The following USH2A variants were observed in gnomAD, a reference collection of about 807,000 sequenced individuals.
The protein encoded by USH2A is Usher syndrome 2A (autosomal recessive, mild).
Under a neutral mutation model 538.9 loss-of-function variants are expected in USH2A, and 443 were observed. That is an observed-to-expected ratio of 0.82 (90% CI 0.76 to 0.89). The LOEUF (loss-of-function observed/expected upper bound fraction) is 0.89. Among genes scored for constraint, USH2A ranks in the 40% least tolerant of loss-of-function variants. The probability of loss-of-function intolerance (pLI) is 0.00; values close to 1 mark genes in which losing one functional copy is unlikely to be tolerated. For missense variants in USH2A, 6,633 were observed against 6,324.8 expected, an observed-to-expected ratio of 1.05 and a Z score of -1.65; for synonymous variants, 2,413 against 2,273.5, an observed-to-expected ratio of 1.06 and a Z score of -1.75.
rs758554193 is a variant in USH2A at position 216,175,520 on chromosome 1, G to T, written c.4397-38C>A. The T allele has an allele frequency of 6.9e-6, 11 of 1,603,262 alleles. No homozygotes were observed. The South Asian group carries it at 1.1e-4, about 16-fold the overall frequency. Reference sequence around the variant, plus strand: ...AAACACCTGTTATATTCAAGAATTTGGTTTCTGTCTCTAGACACACATATT... The same window carrying T: ...AAACACCTGTTATATTCAAGAATTTTGTTTCTGTCTCTAGACACACATATT... On this transcript the variant is annotated intron_variant, in intron 20 of 71. Transcript: ENST00000307340.
intron 21 of USH2A, among the ~76,000 whole-genome samples, chr1:216,166,253 G>A (rs1191447475): frequency 6.6e-6 from 1 of 151,974 alleles, no homozygotes; most frequent in African/African-American, 2.4e-5. Context: ...ATAGATGAGG[G>A]CATACCCGGC....
At chr1:216,361,232 C>A (rs1159405865) in intron 4 of USH2A, among the ~76,000 whole-genome samples, 1 of 152,040 alleles carries the variant, frequency 6.6e-6, no homozygotes, top group African/African-American at 2.4e-5. Context: ...TTGACCCCTA[C>A]CTTATATAAC....
At chr1:215,704,525 C>T (rs1254145465) in intron 61 of USH2A, among the ~76,000 whole-genome samples, 4 of 152,186 alleles carry the variant, frequency 2.6e-5, no homozygotes, top group African/African-American at 4.8e-5. Context: ...ATGCCAGAGC[C>T]TAGACCTGGT....
intron 37 of USH2A, among the ~76,000 whole-genome samples, chr1:215,945,239 CTAATT>C (rs1357170081): frequency 6.6e-6 from 1 of 152,080 alleles, no homozygotes; most frequent in Admixed American, 6.5e-5. Context: ...ATTTTGCTCT[CTAATT>C]TAAAGTTGAG....
At chr1:215,921,632 T>C (rs1052986978) in intron 38 of USH2A, among the ~76,000 whole-genome samples, 2 of 151,984 alleles carry the variant, frequency 1.3e-5, no homozygotes, top group African/African-American at 2.4e-5. Flanking sequence ...GTAGAAGAAA[T>C]AGAGTATAGT....
chr1:216,092,651 G>A (rs1439726398), intron 22 of USH2A, among the ~76,000 whole-genome samples: 1 of 152,100 alleles, frequency 6.6e-6, no homozygotes, highest in Non-Finnish European at 1.5e-5. Flanking sequence ...TAGAAAATAT[G>A]TTTAGTACCT....
chr1:215,748,226 T>C (rs1410875302), intron 58 of USH2A, among the ~76,000 whole-genome samples: 2 of 152,158 alleles, frequency 1.3e-5, no homozygotes, highest in African/African-American at 2.4e-5. Flanking sequence ...CTTGGTTCAC[T>C]GCAACCTCTG....
rs776707496 is a variant in USH2A at position 215,675,251 on chromosome 1, C to T, written c.12660G>A (p.Arg4220=). Residue 4220 remains arginine, a synonymous_variant, in exon 63 of 72, where the codon AGG becomes AGA. Transcript: ENST00000307340. ...CTGTGTCATTATACATAAATGTATTCCTTTCAGTGTTATATTCTGTGAAAA... is the reference window on the plus strand; with the variant it reads ...CTGTGTCATTATACATAAATGTATTTCTTTCAGTGTTATATTCTGTGAAAA... ...KIVFTEYNTE[R]NTFMYNDTGL... is the part of the protein sequence containing the mutation. 6.2e-7 allele frequency: 1 copy of T among 1,614,108 alleles called. No individual in the cohort carries two copies. Among genetic ancestry groups the T allele is most frequent in the South Asian group, 1.1e-5 (1 of 91,074 alleles).
At chr1:215,938,520 T>C (rs1274237225) in intron 37 of USH2A, among the ~76,000 whole-genome samples, 1 of 152,120 alleles carries the variant, frequency 6.6e-6, no homozygotes, top group African/African-American at 2.4e-5. Flanking sequence ...GGCTGGAAAA[T>C]GCAGCCTCGT....
chr1:216,134,742 A>G (rs1345390815), intron 21 of USH2A, among the ~76,000 whole-genome samples: 1 of 152,090 alleles, frequency 6.6e-6, no homozygotes, highest in Non-Finnish European at 1.5e-5. Flanking sequence ...GACAGATTCC[A>G]TTGTTTTCAA....
intron 4 of USH2A, among the ~76,000 whole-genome samples, chr1:216,353,215 C>A (rs1369684476): frequency 6.6e-6 from 1 of 151,832 alleles, no homozygotes; most frequent in Non-Finnish European, 1.5e-5. Context: ...ATTTGAAGAT[C>A]CCGGGAGGGA....
chr1:216,407,052 T>C (rs1421436412), intron 3 of USH2A, among the ~76,000 whole-genome samples: 1 of 152,082 alleles, frequency 6.6e-6, no homozygotes, highest in Non-Finnish European at 1.5e-5. Flanking sequence ...TCCCTAGCTA[T>C]GTCACATGAC....
intron 32 of USH2A, among the ~76,000 whole-genome samples, chr1:216,011,278 C>T (rs1257556387): frequency 6.6e-6 from 1 of 152,114 alleles, no homozygotes; most frequent in East Asian, 1.9e-4. Context: ...TTCCTTTGCA[C>T]CCGTCATCCC....
intron 50 of USH2A, among the ~76,000 whole-genome samples, chr1:215,793,008 C>T (rs1312225718): frequency 6.6e-6 from 1 of 152,076 alleles, no homozygotes; most frequent in African/African-American, 2.4e-5. Flanking sequence ...CATATATTGT[C>T]TTTCTAAACT....
At chr1:216,099,905 A>G (rs12094824) in intron 21 of USH2A, among the ~76,000 whole-genome samples, 6,606 of 152,228 alleles carry the variant, frequency 0.043, 477 homozygotes, top group African/African-American at 0.15. Flanking sequence ...AGAAGAGAAG[A>G]CGATGCTAGG....
At chr1:216,151,264 C>A (rs1174383021) in intron 21 of USH2A, among the ~76,000 whole-genome samples, 2 of 152,046 alleles carry the variant, frequency 1.3e-5, no homozygotes, top group African/African-American at 2.4e-5. Context: ...TCCTTCTCAC[C>A]TTTTTACTTT....
intron 4 of USH2A, among the ~76,000 whole-genome samples, chr1:216,336,143 T>G (rs537125158): frequency 6.6e-6 from 1 of 151,246 alleles, no homozygotes; most frequent in Non-Finnish European, 1.5e-5. Flanking sequence ...ATACACAAAC[T>G]TGGAAAAATA....
chr1:216,401,617 G>T (rs143021890), intron 3 of USH2A, among the ~76,000 whole-genome samples: 8 of 152,054 alleles, frequency 5.3e-5, no homozygotes, highest in African/African-American at 1.7e-4. Context: ...AAATATATCT[G>T]CAAACATTAA....
chr1:215,989,545 T>G (rs1667956297), intron 35 of USH2A, among the ~76,000 whole-genome samples: 2 of 152,092 alleles, frequency 1.3e-5, no homozygotes, highest in Non-Finnish European at 2.9e-5. Context: ...AAATACATAT[T>G]TTGAATGAAC....
Sources: allele counts gnomAD v4.1 joint callset (sites outside exome capture counted in the v4.1 genomes callset), GRCh38; gene constraint gnomAD v4.1.1; transcripts MANE v1.5; gene names NCBI Gene and HGNC (gene_info 2026-07-23, HGNC 2026-07-21).